Variants in SYNE2 observed in about 807,000 individuals in gnomAD.
SYNE2 encodes spectrin repeat containing nuclear envelope protein 2, also known as nesprin-2.
A neutral mutation model predicts 856.3 loss-of-function variants in SYNE2; 431 were observed. The observed-to-expected ratio is 0.50, with a 90% confidence interval of 0.47 to 0.55. The LOEUF is 0.55. SYNE2 is among the 20% of genes least tolerant of loss of function. The probability of loss-of-function intolerance (pLI) is 0.00; values close to 1 mark genes in which losing one functional copy is unlikely to be tolerated. For missense variants in SYNE2, 8,129 were observed against 8,023.2 expected (o/e 1.01, Z -0.50); for synonymous variants, 2,923 against 2,872.3 (o/e 1.02, Z -0.56).
At chr14:63,916,284 T>C (rs1349141996) in intron 2 of SYNE2, among the ~76,000 whole-genome samples, 1 of 152,198 alleles carries the variant, frequency 6.6e-6, no homozygotes, top group South Asian at 2.1e-4. Context: ...GTACTGTATA[T>C]AGCATTATTT....
At chr14:64,148,505 G>C (rs1048764111) in intron 84 of SYNE2, among the ~76,000 whole-genome samples, 3 of 152,062 alleles carry the variant, frequency 2.0e-5, no homozygotes, top group Admixed American at 1.3e-4. Flanking sequence ...GCTGATTGCA[G>C]AATTATTTCT....
At chr14:63,894,569 G>T (rs1275785946) in intron 1 of SYNE2, among the ~76,000 whole-genome samples, 2 of 152,152 alleles carry the variant, frequency 1.3e-5, no homozygotes, top group East Asian at 3.9e-4. Context: ...GTGTGCTGGG[G>T]CAGAGGTAGA....
intron 6 of SYNE2, among the ~76,000 whole-genome samples, chr14:63,946,684 C>T (rs934133324): frequency 6.8e-6 from 1 of 147,136 alleles, no homozygotes; most frequent in African/African-American, 2.5e-5. Flanking sequence ...ACATATATTA[C>T]AGTATAACAT....
intron 94 of SYNE2, among the ~76,000 whole-genome samples, chr14:64,173,572 T>G (rs916066952): frequency 1.3e-5 from 2 of 152,224 alleles, no homozygotes; most frequent in African/African-American, 4.8e-5. Context: ...TCAAGAAATT[T>G]CAAGGTGAAG....
chr14:63,860,413 T>C (rs150314425), intron 1 of SYNE2, among the ~76,000 whole-genome samples: 3 of 152,208 alleles, frequency 2.0e-5, no homozygotes, highest in African/African-American at 7.2e-5. Context: ...CTGAGAAACG[T>C]TGAGTTGAAA....
intron 31 of SYNE2, among the ~76,000 whole-genome samples, chr14:64,008,757 G>A (rs1018829558): frequency 2.6e-5 from 4 of 152,016 alleles, no homozygotes; most frequent in African/African-American, 9.7e-5. Context: ...GGTATTAGAG[G>A]GGAAGAAGAG....
At chr14:63,899,714 C>T (rs184448164) in intron 1 of SYNE2, among the ~76,000 whole-genome samples, 211 of 152,204 alleles carry the variant, frequency 1.4e-3, no homozygotes, top group Middle Eastern at 0.014. Context: ...GTTGCCTAGG[C>T]TGGTCTAGAA....
At chr14:64,189,964 A>ATTTT (rs11423254) in intron 98 of SYNE2, 107 bp from the exon 99 acceptor site, 333 of 1,176,782 alleles carry the variant, frequency 2.8e-4, no homozygotes, top group Non-Finnish European at 3.3e-4. Context: ...TGCCTGGCCA[A>ATTTT]TTTTTTTTTT....
chr14:63,799,807 T>C (rs1047982074), intron 1 of SYNE2, among the ~76,000 whole-genome samples: 2 of 152,340 alleles, frequency 1.3e-5, no homozygotes, highest in African/African-American at 4.8e-5. Context: ...GTGTCGCACT[T>C]GAAAAATGAA....
intron 11 of SYNE2, among the ~76,000 whole-genome samples, chr14:63,973,140 C>T (rs2096493042): frequency 6.6e-6 from 1 of 152,078 alleles, no homozygotes; most frequent in Admixed American, 6.5e-5. Context: ...CCTGTAATCC[C>T]AGCTACTCAG....
chr14:64,205,837 G>A (rs1183896639), intron 100 of SYNE2, among the ~76,000 whole-genome samples: 2 of 152,080 alleles, frequency 1.3e-5, no homozygotes, highest in Non-Finnish European at 2.9e-5. Flanking sequence ...TTGTTTCTCT[G>A]TGGGGTGCCA....
rs527339341 is a variant in SYNE2, at chr14:64,087,735, A to G, written c.11549A>G (p.Asp3850Gly). The G allele has an allele frequency of 2.3e-4, 379 of 1,614,156 alleles. No homozygotes were observed. The highest frequency in any genetic ancestry group is 3.3e-4 in the Middle Eastern group (2 of 6,062). ...LLHSIFMDLE[D>G]LSIIFETDEL... ...CATTCAATCTTTATGGATCTAGAAG[A>G]CCTGTCAATAATTTTTGAAACAGAT... Residue 3850 changes from aspartate (D) to glycine (G), a missense_variant, in exon 58 of 116, where the codon GAC (aspartate) becomes GGC (glycine). Around this residue, in one of 3 missense-constraint regions of SYNE2, gnomAD observed 5,410 missense variants for 5,284.8 expected, o/e 1.02. Transcript: ENST00000555002.
chr14:63,947,200 T>C (rs1261929516), intron 6 of SYNE2, among the ~76,000 whole-genome samples: 1 of 152,182 alleles, frequency 6.6e-6, no homozygotes, highest in Non-Finnish European at 1.5e-5. Context: ...TCTCTTACAT[T>C]ATTTTCCAGA....
intron 85 of SYNE2, among the ~76,000 whole-genome samples, chr14:64,155,783 C>G (rs538321135): frequency 1.2e-3 from 179 of 152,210 alleles, no homozygotes; most frequent in Non-Finnish European, 4.1e-4. Context: ...ATAAAGTTAG[C>G]CGGATGTGGT....
Position 64,216,363 on chromosome 14 carries a change from C to T in SYNE2, c.19518C>T (p.Ser6506=). The T allele has an allele frequency of 6.2e-7, 1 of 1,614,230 alleles. No individual in the cohort carries two copies. The highest frequency in any genetic ancestry group is 2.2e-5 in the East Asian group (1 of 44,888). Residue 6506 remains serine, a synonymous_variant, in exon 108 of 116, where the codon TCC becomes TCT. Coordinates refer to ENST00000555002, the MANE Select transcript of SYNE2 (RefSeq NM_182914.3). ...ATGTTCCACCTGTTCCCCCTGCGTC[C>T]AGCACCCCTTATAAACCACCCTATG... ...DRNVPPVPPA[S]STPYKPPYGK...
At chr14:63,793,276 C>T (rs922568226) in intron 1 of SYNE2, among the ~76,000 whole-genome samples, 1 of 152,174 alleles carries the variant, frequency 6.6e-6, no homozygotes, top group African/African-American at 2.4e-5. Flanking sequence ...TCCACTTCTG[C>T]CTTCCCACCT....
At chr14:64,158,131 C>G (rs552576737) in intron 85 of SYNE2, among the ~76,000 whole-genome samples, 1 of 152,304 alleles carries the variant, frequency 6.6e-6, no homozygotes, top group Admixed American at 6.5e-5. Flanking sequence ...TTGGTGCTTG[C>G]TCTGTAGTAA....
chr14:64,148,261 A>G (rs1157976274), intron 84 of SYNE2, among the ~76,000 whole-genome samples: 1 of 152,182 alleles, frequency 6.6e-6, no homozygotes, highest in East Asian at 1.9e-4. Flanking sequence ...GTGACAGTAA[A>G]CTATGATCAT....
At position 63,969,587 on chromosome 14, in the gene SYNE2, CG is replaced by C. The variant is rs982924628; in HGVS notation, c.1128+1742del. On this transcript the variant is annotated intron_variant, in intron 11 of 115. Transcript: ENST00000555002. ...CAATCTCCTGACCTCGTGATCCACC[CG>C]CCTCGGCCTCCCAAAGTGCTAGGAT... Among the ~76,000 whole-genome samples, 13 of 151,952 alleles carry C rather than the reference CG, an allele frequency of 8.6e-5. 1 individual carries two copies. Among genetic ancestry groups the C allele is most frequent in the Middle Eastern group, 6.8e-3 (2 of 294 alleles).
Sources: gnomAD v4.1 joint callset for allele counts (sites outside exome capture counted in the v4.1 genomes callset) on GRCh38, gnomAD v4.1.1 for gene constraint, gnomAD v4.1.1 regional missense constraint, MANE v1.5 for transcripts, NCBI Gene and HGNC (gene_info 2026-07-23, HGNC 2026-07-21) for gene names.